STARD9: variants seen among roughly 807,000 people sequenced by gnomAD.
STARD9 encodes StAR related lipid transfer domain containing 9.
A neutral mutation model predicts 399.8 loss-of-function variants in STARD9; 346 were observed. The ratio of observed to expected loss-of-function variants is 0.87; its 90% CI spans 0.79 to 0.95. The LOEUF is 0.95. Ranked by LOEUF, STARD9 falls within the 40% of genes least tolerant of loss-of-function variation. STARD9 has a pLI of 0.00. For missense variants in STARD9, 5,832 were observed against 5,667.5 expected, an observed-to-expected ratio of 1.03 and a Z score of -0.93; for synonymous variants, 2,203 against 2,143.5, an observed-to-expected ratio of 1.03 and a Z score of -0.77.
At chr15:42,703,931 G>C (rs2061022288) in intron 26 of STARD9, among the ~76,000 whole-genome samples, 4 of 152,002 alleles carry the variant, frequency 2.6e-5, no homozygotes, top group Admixed American at 2.0e-4. Context: ...TTTTGAGATG[G>C]AGTTTCACTC....
chr15:42,623,280 C>T (rs891223576), intron 3 of STARD9, among the ~76,000 whole-genome samples: 1 of 152,072 alleles, frequency 6.6e-6, no homozygotes, highest in Non-Finnish European at 1.5e-5. Flanking sequence ...GATCAAATGC[C>T]AACACTGCTA....
intron 10 of STARD9, 117 bp downstream of exon 10, chr15:42,661,342 A>G (rs2059989620): frequency 1.3e-6 from 1 of 748,552 alleles, no homozygotes; most frequent in Non-Finnish European, 2.2e-6. Flanking sequence ...CAAAAGAAAT[A>G]AGCTCTTTGA....
intron 26 of STARD9, among the ~76,000 whole-genome samples, chr15:42,714,734 T>C (rs546068939): frequency 6.6e-6 from 1 of 152,324 alleles, no homozygotes; most frequent in South Asian, 2.1e-4. Context: ...CAGTTATCTT[T>C]TGAATTATAT....
intron 3 of STARD9, among the ~76,000 whole-genome samples, chr15:42,616,660 G>T (rs2058968290): frequency 6.6e-6 from 1 of 152,070 alleles, no homozygotes; most frequent in Non-Finnish European, 1.5e-5. Flanking sequence ...GGGGGGCTGA[G>T]GTGGGCGGAT....
chr15:42,676,928 C>G lies in STARD9; in HGVS notation c.1874+953C>G, dbSNP rs2060322238. On this transcript the variant is annotated intron_variant, in intron 20 of 32. Transcript: ENST00000290607. Reference sequence around the variant, plus strand: ...AAGACAATCTTATGTCTGACCTTGGCAGTGAGGAATGTTGGATACAGGAGC... The same window carrying G: ...AAGACAATCTTATGTCTGACCTTGGGAGTGAGGAATGTTGGATACAGGAGC... Among the ~76,000 whole-genome samples, 3 of 151,940 alleles carry G rather than the reference C, an allele frequency of 2.0e-5. No individual in the cohort carries two copies. In the South Asian group the frequency reaches 6.2e-4, roughly 32 times the overall value.
At position 42,687,362 on chromosome 15, in the gene STARD9, G is replaced by T. The variant is rs753110668; in HGVS notation, c.5784G>T (p.Arg1928Ser). Reference sequence around the variant, plus strand: ...AGCTGGATCAGAATACGGTTCTGAGGCAGACCATCAATGTAAGCCTTGAGA... The same window carrying T: ...AGCTGGATCAGAATACGGTTCTGAGTCAGACCATCAATGTAAGCCTTGAGA... ...EEELDQNTVL[R>S]QTINVSLEKD... Residue 1928 changes from arginine (R) to serine (S), a missense_variant, in exon 23 of 33, where the codon AGG becomes AGT. Coordinates refer to ENST00000290607, the MANE Select transcript of STARD9 (RefSeq NM_020759.3). The T allele has an allele frequency of 6.5e-6, 10 of 1,536,630 alleles. No homozygotes were observed. Among genetic ancestry groups the T allele is most frequent in the Non-Finnish European group, 8.7e-6 (10 of 1,146,934 alleles).
rs1344847334 is a variant in STARD9, at chr15:42,692,611, A to G, written c.11033A>G (p.His3678Arg). Residue 3678 changes from histidine to arginine, a missense_variant, in exon 23 of 33, where the codon CAC becomes CGC. His to Arg is a conservative substitution (Grantham distance 29, BLOSUM62 0). Transcript: ENST00000290607. ...AFDLASWTSM[H>R]NLSLHLSQLL... ...GATCTGGCCTCATGGACCAGCATGC[A>G]CAATCTGTCTCTCCACCTCTCACAG... 2 of 1,537,200 alleles carry G rather than the reference A, an allele frequency of 1.3e-6. No homozygotes were observed. The highest frequency in any genetic ancestry group is 1.7e-6 in the Non-Finnish European group (2 of 1,146,914).
intron 3 of STARD9, among the ~76,000 whole-genome samples, chr15:42,612,990 GAAA>G (rs60332578): frequency 0.035 from 4,116 of 119,246 alleles, 187 homozygotes; most frequent in African/African-American, 0.12. Flanking sequence ...TCTCAGAGGG[GAAA>G]AAAAAAAAAA....
chr15:42,643,608 G>A (rs191290099), intron 7 of STARD9, among the ~76,000 whole-genome samples: 1 of 116,128 alleles, frequency 8.6e-6, no homozygotes, highest in African/African-American at 8.7e-5. Context: ...CTCCTGCCTC[G>A]GCTGAGGCAG....
intron 26 of STARD9, among the ~76,000 whole-genome samples, chr15:42,700,122 G>T (rs2060934739): frequency 6.6e-6 from 1 of 152,172 alleles, no homozygotes; most frequent in Non-Finnish European, 1.5e-5. Flanking sequence ...ATTTTATTCT[G>T]TTTTATGGCT....
intron 3 of STARD9, among the ~76,000 whole-genome samples, chr15:42,618,576 A>G (rs2059019237): frequency 6.6e-6 from 1 of 151,964 alleles, no homozygotes; most frequent in African/African-American, 2.4e-5. Context: ...TACTTGAAAA[A>G]AAAGTTGTCT....
chr15:42,590,721 T>C (rs1364941229), intron 3 of STARD9, among the ~76,000 whole-genome samples: 1 of 152,128 alleles, frequency 6.6e-6, no homozygotes, highest in Non-Finnish European at 1.5e-5. Context: ...GAGCATCCAG[T>C]TGTAACAGAA....
Position 42,665,820 on chromosome 15 carries a change from A to G in STARD9, c.1289A>G (p.Lys430Arg). 1 of 1,537,192 alleles carries G rather than the reference A, an allele frequency of 6.5e-7. No individual in the cohort carries two copies. The highest frequency in any genetic ancestry group is 1.2e-5 in the South Asian group (1 of 84,064). The change falls in exon 15 of 33, where the codon AAG becomes AGG. Residue 430 changes from lysine to arginine, a missense_variant. Coordinates refer to ENST00000290607, the MANE Select transcript of STARD9 (RefSeq NM_020759.3). ...NFSSLSDENLKELVLQNELKI... is the reference protein window; with the variant it reads ...NFSSLSDENLRELVLQNELKI... ...AGTTCATTGAGTGATGAAAACCTGA[A>G]GGAGCTGGTTCTCCAAAATGAATTG...
chr15:42,580,172 A>G (rs2058138170), intron 1 of STARD9, among the ~76,000 whole-genome samples: 1 of 152,258 alleles, frequency 6.6e-6, no homozygotes, highest in South Asian at 2.1e-4. Flanking sequence ...CATTCCTCCC[A>G]GAGGAAAGAA....
Position 42,717,998 on chromosome 15 carries a change from G to T in STARD9, c.13581G>T (p.Ala4527=), listed in dbSNP as rs771278961. 8 of 1,537,170 alleles carry T rather than the reference G, an allele frequency of 5.2e-6. No homozygotes were observed. The highest frequency in any genetic ancestry group is 2.0e-5 in the Admixed American group (1 of 50,996). Reference sequence around the variant, plus strand: ...CCAGCTATCAGGGTGAGGAGCAGGCGGTGCAGCTTTACTACAAGGTGTTTT... The same window carrying T: ...CCAGCTATCAGGGTGAGGAGCAGGCTGTGCAGCTTTACTACAAGGTGTTTT... ...AGWNYQGEEQ[A]VQLYYKVFSP... The change falls in exon 30 of 33, where the codon GCG becomes GCT. Residue 4527 remains alanine, a synonymous_variant. Transcript: ENST00000290607.
At chr15:42,708,151 T>G (rs2061130625) in intron 26 of STARD9, among the ~76,000 whole-genome samples, 1 of 151,720 alleles carries the variant, frequency 6.6e-6, no homozygotes, top group Non-Finnish European at 1.5e-5. Flanking sequence ...AGACCCTGTT[T>G]CAAAAAAAAA....
Position 42,665,856 on chromosome 15 carries a change from T to C in STARD9, c.1317+8T>C, listed in dbSNP as rs1333567801. On this transcript the variant is annotated splice_region_variant and intron_variant, in intron 15 of 32. Transcript: ENST00000290607. The stretch of plus-strand genomic sequence containing the variant: ...CTCCAAAATGAATTGAAGGTGGGTG[T>C]GTTGGGTGGACTCAGTTGTTCTTTA... The C allele has an allele frequency of 2.6e-6, 4 of 1,536,712 alleles. No homozygotes were observed. Among genetic ancestry groups the C allele is most frequent in the Non-Finnish European group, 1.7e-6 (2 of 1,146,588 alleles).
At position 42,669,240 on chromosome 15, in the gene STARD9, G is replaced by A; in HGVS notation, c.1400G>A (p.Arg467Lys). The A allele has an allele frequency of 6.5e-7, 1 of 1,537,162 alleles. No individual in the cohort carries two copies. Among genetic ancestry groups the A allele is most frequent in the Non-Finnish European group, 8.7e-7 (1 of 1,146,816 alleles). Residue 467 changes from arginine (R) to lysine (K), a missense_variant, in exon 16 of 33, where the codon AGG becomes AAG. By Grantham distance (26) the Arg-to-Lys change is conservative (BLOSUM62 2). Coordinates refer to ENST00000290607, the MANE Select transcript of STARD9 (RefSeq NM_020759.3). ...LMEHYSVDIN[R>K]RRAGVVIDSS... ...GAGCATTACAGTGTGGACATCAACA[G>A]GAGGAGGGCTGGGGTGGTCATCGAC...
chr15:42,575,784 C>G (rs894399051), intron 1 of STARD9, 22 bp downstream of exon 1: 80 of 1,536,242 alleles, frequency 5.2e-5, no homozygotes, highest in Non-Finnish European at 6.6e-5. Flanking sequence ...CGGGAGAGGG[C>G]GCCTGAGGCT....
Sources: gnomAD v4.1 joint callset for allele counts (sites outside exome capture counted in the v4.1 genomes callset) on GRCh38, gnomAD v4.1.1 for gene constraint, MANE v1.5 for transcripts, NCBI Gene and HGNC (gene_info 2026-07-23, HGNC 2026-07-21) for gene names.